The following AKAP13 variants were observed in gnomAD, a reference collection of about 807,000 sequenced individuals.
AKAP13 encodes the protein A-kinase anchor protein 13.
AKAP13 carries 80 observed loss-of-function variants against 264.5 expected under a neutral mutation model. The ratio of observed to expected loss-of-function variants is 0.30; its 90% confidence interval spans 0.25 to 0.36. The LOEUF (loss-of-function observed/expected upper bound fraction) is 0.36, where lower values mean the gene tolerates loss of function less well. Among genes scored for constraint, AKAP13 ranks in the 10% least tolerant of loss-of-function variants. The probability of loss-of-function intolerance (pLI) is 1.00; values close to 1 mark genes in which losing one functional copy is unlikely to be tolerated. For missense variants in AKAP13, 3,712 were observed against 3,435.2 expected, an observed-to-expected ratio of 1.08 and a Z score of -2.01; for synonymous variants, 1,380 against 1,250.2, an observed-to-expected ratio of 1.10 and a Z score of -2.19.
At chr15:85,567,602 G>A (rs2078650097) in intron 5 of AKAP13, among the ~76,000 whole-genome samples, 1 of 152,166 alleles carries the variant, frequency 6.6e-6, no homozygotes. Context: ...TTTCTATGTT[G>A]AGAAGTCAGT....
Position 85,580,695 on chromosome 15 carries a change from C to T in AKAP13, c.2627C>T (p.Ala876Val), listed in dbSNP as rs1355251199. 1 of 1,614,154 alleles carries T rather than the reference C, an allele frequency of 6.2e-7. No individual in the cohort carries two copies. Among genetic ancestry groups the T allele is most frequent in the Admixed American group, 1.7e-5 (1 of 60,018 alleles). Reference protein sequence around the residue: ...TGLGGEHEGPAPPAIPEALNI... With the variant: ...TGLGGEHEGPVPPAIPEALNI... ...CTTGGTGGAGAGCATGAGGGTCCCGCCCCTCCAGCAATCCCAGAAGCTCTG... is the reference window on the plus strand; with the variant it reads ...CTTGGTGGAGAGCATGAGGGTCCCGTCCCTCCAGCAATCCCAGAAGCTCTG... Residue 876 changes from alanine to valine, a missense_variant, in exon 7 of 37, where the codon GCC becomes GTC. Coordinates refer to ENST00000394518, the MANE Select transcript of AKAP13 (RefSeq NM_007200.5).
Position 85,744,609 on chromosome 15 carries a change from T to C in AKAP13, c.8393-19T>C. 6.2e-7 allele frequency: 1 copy of C among 1,613,952 alleles called. No homozygotes were observed. Among genetic ancestry groups the C allele is most frequent in the Non-Finnish European group, 8.5e-7 (1 of 1,179,902 alleles). On this transcript the variant is annotated intron_variant, in intron 36 of 36. Coordinates refer to ENST00000394518, the MANE Select transcript of AKAP13 (RefSeq NM_007200.5). ...CAGTTTTTCTGAATTTTTTTCATTC[T>C]TGGTTTTCACATTTCCAGATGGTCC...
intron 1 of AKAP13, among the ~76,000 whole-genome samples, chr15:85,452,311 A>G (rs576021568): frequency 6.7e-6 from 1 of 149,982 alleles, no homozygotes; most frequent in Non-Finnish European, 1.5e-5. Context: ...GGGTTTTGTC[A>G]TCATCCCGAA....
chr15:85,500,720 G>C (rs977361517), intron 2 of AKAP13, among the ~76,000 whole-genome samples: 1 of 152,142 alleles, frequency 6.6e-6, no homozygotes, highest in Non-Finnish European at 1.5e-5. Context: ...TTATGTGGGG[G>C]CTGTAACTTA....
chr15:85,589,709 T>TAAA (rs2079512445), intron 8 of AKAP13, among the ~76,000 whole-genome samples: 1 of 76,096 alleles, frequency 1.3e-5, no homozygotes, highest in African/African-American at 6.1e-5. Context: ...CACTCTGTCT[T>TAAA]GAAAAAAAAA....
intron 1 of AKAP13, among the ~76,000 whole-genome samples, chr15:85,444,145 T>TA: frequency 6.6e-6 from 1 of 152,328 alleles, no homozygotes; most frequent in Admixed American, 6.5e-5. Flanking sequence ...TCCACTCTAT[T>TA]AATTGCTAAA....
intron 1 of AKAP13, among the ~76,000 whole-genome samples, chr15:85,462,542 T>C (rs916977140): frequency 6.6e-6 from 1 of 152,180 alleles, no homozygotes; most frequent in Non-Finnish European, 1.5e-5. Flanking sequence ...CCGGAAAGTG[T>C]GACCCATTCT....
intron 15 of AKAP13, chr15:85,683,650 T>C (rs1340447324): frequency 6.6e-6 from 1 of 152,190 alleles, no homozygotes; most frequent in East Asian, 1.9e-4. Flanking sequence ...TTGTATTTTT[T>C]AGTAGAGACG....
At chr15:85,384,557 A>G (rs1200438623) in intron 1 of AKAP13, among the ~76,000 whole-genome samples, 1 of 152,056 alleles carries the variant, frequency 6.6e-6, no homozygotes, top group African/African-American at 2.4e-5. Context: ...TCTCTACTAA[A>G]AATACAAAAA....
intron 5 of AKAP13, among the ~76,000 whole-genome samples, chr15:85,566,893 G>C (rs917436650): frequency 9.2e-5 from 14 of 152,118 alleles, no homozygotes; most frequent in African/African-American, 3.4e-4. Context: ...CTCCCAAAGT[G>C]CTGGGATTAC....
chr15:85,499,505 C>T (rs1296407580), intron 2 of AKAP13, among the ~76,000 whole-genome samples: 1 of 152,116 alleles, frequency 6.6e-6, no homozygotes, highest in Non-Finnish European at 1.5e-5. Context: ...ATTCTGATGT[C>T]AGCATTTGGA....
At chr15:85,477,636 G>GAAAAAAAAAAAAAA (rs1567077572) in intron 1 of AKAP13, among the ~76,000 whole-genome samples, 1 of 34,308 alleles carries the variant, frequency 2.9e-5, no homozygotes. Flanking sequence ...CTTAAAAAAA[G>GAAAAAAAAAAAAAA]GAAAAAAAAA....
chr15:85,726,272 G>C, intron 26 of AKAP13, 138 bp from the exon 27 acceptor site: 1 of 596,008 alleles, frequency 1.7e-6, no homozygotes, highest in Non-Finnish European at 3.0e-6. Context: ...CTTTGGAGGA[G>C]TGTGATCTCA....
At chr15:85,719,807 T>C (rs1481360432) in intron 23 of AKAP13, among the ~76,000 whole-genome samples, 1 of 151,478 alleles carries the variant, frequency 6.6e-6, no homozygotes, top group Non-Finnish European at 1.5e-5. Flanking sequence ...TGGTGGCATA[T>C]GGGAGACTGA....
chr15:85,491,652 A>G (rs554006507), intron 2 of AKAP13, among the ~76,000 whole-genome samples: 34 of 151,630 alleles, frequency 2.2e-4, no homozygotes, highest in Non-Finnish European at 4.3e-4. Context: ...GAAAAAAACT[A>G]TTTTCAAAAC....
Position 85,380,755 on chromosome 15 carries a change from A to C in AKAP13, c.-55A>C, listed in dbSNP as rs1358180022. ...GTCTTTCTCCGCGGCGAAGGTGAAG[A>C]GTTGTCCCAGCTCGGCCCGCGGGGG... On this transcript the variant is annotated 5_prime_UTR_variant, in exon 1 of 37. Coordinates refer to ENST00000394518, the MANE Select transcript of AKAP13 (RefSeq NM_007200.5). The C allele has an allele frequency of 6.5e-6, 1 of 152,688 alleles. No homozygotes were observed. Among genetic ancestry groups the C allele is most frequent in the Admixed American group, 6.5e-5 (1 of 15,308 alleles). The allele number at this position is 152,688 out of a possible 1,614,324, so 9.5% of individuals were successfully genotyped here.
At chr15:85,482,474 A>G (rs1380827109) in intron 1 of AKAP13, among the ~76,000 whole-genome samples, 1 of 152,226 alleles carries the variant, frequency 6.6e-6, no homozygotes, top group Non-Finnish European at 1.5e-5. Context: ...TGTCTGGCAC[A>G]TTGTAGGTGC....
At chr15:85,641,626 C>T (rs1459833358) in intron 9 of AKAP13, among the ~76,000 whole-genome samples, 1 of 151,464 alleles carries the variant, frequency 6.6e-6, no homozygotes, top group African/African-American at 2.4e-5. Flanking sequence ...GCTGGGACTA[C>T]AGGTGCCTGC....
chr15:85,682,288 G>A lies in AKAP13; in HGVS notation c.5156+76G>A, dbSNP rs571618961. 3.3e-5 allele frequency: 47 copies of A among 1,404,376 alleles called. No homozygotes were observed. The East Asian group carries it at 5.6e-4, about 17-fold the overall frequency. The allele number at this position is 1,404,376 out of a possible 1,614,324, so 87.0% of individuals were successfully genotyped here. A position where few individuals can be genotyped will look rare whatever the true frequency, so the allele number is the denominator to read the frequency against. On this transcript the variant is annotated intron_variant, in intron 15 of 36. Transcript: ENST00000394518. ...AAAATCTCTTAGGCCATTTAATTAC[G>A]TAAACTAAGTTAATTGAGCTTATTG...
Sources: allele counts gnomAD v4.1 joint callset (sites outside exome capture counted in the v4.1 genomes callset), GRCh38; gene constraint gnomAD v4.1.1; transcripts MANE v1.5; gene names NCBI Gene and HGNC (gene_info 2026-07-23, HGNC 2026-07-21).